SERPINB12: variants seen among roughly 807,000 people sequenced by gnomAD.
The protein encoded by SERPINB12 is serpin B12.
In SERPINB12, 57 loss-of-function variants were observed where a neutral mutation model predicts 41.1. The ratio of observed to expected loss-of-function variants is 1.39; its 90% CI spans 1.12 to 1.73. The LOEUF (loss-of-function observed/expected upper bound fraction) is 1.73. Among genes scored for constraint, SERPINB12 ranks in the 40% most tolerant of loss-of-function variants. The pLI, the probability that SERPINB12 is intolerant of heterozygous loss-of-function variation, is 0.00. For synonymous variants in SERPINB12, 180 were observed against 181.3 expected (o/e 0.99, Z 0.06); for missense variants, 536 against 501.9 (o/e 1.07, Z -0.65).
At chr18:63,548,306 TAGTC>T (rs113105264) in intron 1 of SERPINB12, among the ~76,000 whole-genome samples, 4,796 of 152,162 alleles carry the variant, frequency 0.032, 291 homozygotes, top group East Asian at 0.29. Context: ...ACATTTCAGA[TAGTC>T]AGTATTTAAA....
At chr18:63,554,699 G>A (rs1910619332) in intron 1 of SERPINB12, among the ~76,000 whole-genome samples, 1 of 152,168 alleles carries the variant, frequency 6.6e-6, no homozygotes, top group Non-Finnish European at 1.5e-5. Flanking sequence ...TTCTTAGGAA[G>A]TCACTATCTC....
chr18:63,528,246 A>G, the SERPINB12 span, among the ~76,000 whole-genome samples: 2 of 152,120 alleles, frequency 1.3e-5, no homozygotes, highest in African/African-American at 4.8e-5. Context: ...AATAGCCACA[A>G]ATTATCCTTG....
At chr18:63,530,336 C>T in the SERPINB12 span, among the ~76,000 whole-genome samples, 3 of 152,186 alleles carry the variant, frequency 2.0e-5, no homozygotes, top group African/African-American at 7.2e-5. Flanking sequence ...TCTACAGTTA[C>T]ACTGCCATTT....
intron 5 of SERPINB12, among the ~76,000 whole-genome samples, chr18:63,563,133 C>T (rs17071317): frequency 0.01 from 1,538 of 152,132 alleles, 62 homozygotes; most frequent in Admixed American, 0.08. Context: ...ACCTCCTTAT[C>T]GTGGGATGGA....
chr18:63,521,096 A>G, the SERPINB12 span, among the ~76,000 whole-genome samples: 7 of 152,274 alleles, frequency 4.6e-5, no homozygotes, highest in East Asian at 1.9e-4. Flanking sequence ...ATGTCCTTGT[A>G]TAAGGAATTT....
At chr18:63,549,619 A>G (rs1371522849) in intron 1 of SERPINB12, among the ~76,000 whole-genome samples, 1 of 152,066 alleles carries the variant, frequency 6.6e-6, no homozygotes, top group African/African-American at 2.4e-5. Context: ...TTTTTGAGTA[A>G]TTTTTCAGTC....
chr18:63,562,513 G>A (rs1294425124), intron 5 of SERPINB12, among the ~76,000 whole-genome samples: 1 of 152,146 alleles, frequency 6.6e-6, no homozygotes. Flanking sequence ...GACAGTTTCG[G>A]TTCCTCCCTT....
At chr18:63,534,278 A>C in the SERPINB12 span, among the ~76,000 whole-genome samples, 1 of 152,168 alleles carries the variant, frequency 6.6e-6, no homozygotes, top group Non-Finnish European at 1.5e-5. Context: ...TTATAAGGAG[A>C]CAACACATTA....
chr18:63,547,956 CAT>C (rs1430495779), intron 1 of SERPINB12, among the ~76,000 whole-genome samples: 2 of 152,260 alleles, frequency 1.3e-5, no homozygotes, highest in African/African-American at 4.8e-5. Context: ...GAAGGGTTCT[CAT>C]GTGCTACCAT....
At chr18:63,559,066 C>CTTTCCTTTCTTTCTTTCT (rs1425823173) in intron 3 of SERPINB12, among the ~76,000 whole-genome samples, 1 of 99,522 alleles carries the variant, frequency 1.0e-5, no homozygotes, top group Non-Finnish European at 2.0e-5. Context: ...TTCTCTCCTT[C>CTTTCCTTTCTTTCTTTCT]TTCTCTCCTT....
At chr18:63,541,762 G>A (rs149607250), upstream of SERPINB12, among the ~76,000 whole-genome samples, 250 of 152,074 alleles carry the variant, frequency 1.6e-3, no homozygotes, top group African/African-American at 5.7e-3. Context: ...GTGAAGAGAA[G>A]GAACAGAGAC....
chr18:63,558,761 G>C (rs1175827632), intron 3 of SERPINB12, among the ~76,000 whole-genome samples: 3 of 152,148 alleles, frequency 2.0e-5, no homozygotes, highest in African/African-American at 7.2e-5. Context: ...AGGCCACAGG[G>C]CCCCAACACA....
chr18:63,559,380 T>C (rs1568129543), intron 3 of SERPINB12, among the ~76,000 whole-genome samples, 198 bp from the exon 4 acceptor site: 2 of 152,104 alleles, frequency 1.3e-5, no homozygotes, highest in Non-Finnish European at 2.9e-5. Context: ...GTGGGAGCCA[T>C]AATCTTCCAC....
In SERPINB12 at chr18:63,565,627, C is replaced by T. The variant is rs906429243; in HGVS notation, c.873+15C>T. 4 of 1,599,502 alleles carry T rather than the reference C, an allele frequency of 2.5e-6. No homozygotes were observed. Among genetic ancestry groups the T allele is most frequent in the Non-Finnish European group, 3.4e-6 (4 of 1,173,204 alleles). On this transcript the variant is annotated intron_variant, in intron 7 of 7. Coordinates refer to ENST00000382768, the MANE Select transcript of SERPINB12 (RefSeq NM_001307928.2). ...GTCTGGAAGAGGTAAATCTTCATTT[C>T]CACATCTCTACAAAATATTTAATGA...
intron 1 of SERPINB12, among the ~76,000 whole-genome samples, chr18:63,551,111 T>C (rs1341832935): frequency 4.6e-5 from 7 of 151,436 alleles, no homozygotes; most frequent in Non-Finnish European, 1.0e-4. Context: ...CTACTAAAAA[T>C]ACAAAAAATT....
intron 5 of SERPINB12, among the ~76,000 whole-genome samples, chr18:63,563,010 C>T (rs1910965035): frequency 6.6e-6 from 1 of 152,108 alleles, no homozygotes. Flanking sequence ...CAGAGCTGAG[C>T]CCAAAGGTGG....
intron 4 of SERPINB12, among the ~76,000 whole-genome samples, chr18:63,560,559 A>AT (rs940867402): frequency 1.3e-5 from 2 of 152,178 alleles, no homozygotes; most frequent in African/African-American, 2.4e-5. Flanking sequence ...TACATTACTG[A>AT]TTTTTTAAAA....
chr18:63,551,149 G>A (rs1484812430), intron 1 of SERPINB12, among the ~76,000 whole-genome samples: 1 of 151,630 alleles, frequency 6.6e-6, no homozygotes. Context: ...GGCGCCTGTA[G>A]TCCCAGCTAC....
the SERPINB12 span, among the ~76,000 whole-genome samples, chr18:63,531,110 T>C: frequency 3.3e-5 from 5 of 152,216 alleles, no homozygotes. Context: ...TGCTTAAATG[T>C]GCAGGAGTTT....
Sources: gnomAD v4.1 joint callset for allele counts (sites outside exome capture counted in the v4.1 genomes callset) on GRCh38, gnomAD v4.1.1 for gene constraint, MANE v1.5 for transcripts, NCBI Gene and HGNC (gene_info 2026-07-23, HGNC 2026-07-21) for gene names.